Variants in ZNF143 observed in about 807,000 individuals in gnomAD.
The protein encoded by ZNF143 is SPH-binding factor.
In ZNF143, 49 loss-of-function variants were observed where a neutral mutation model predicts 74.1. That is an observed-to-expected ratio of 0.66 (90% CI 0.53 to 0.84). The LOEUF (loss-of-function observed/expected upper bound fraction) is 0.84, where lower values mean the gene tolerates loss of function less well. ZNF143 is among the 40% of genes least tolerant of loss of function. The pLI, the probability that ZNF143 is intolerant of heterozygous loss-of-function variation, is 0.00. For missense variants in ZNF143, 637 were observed against 793.4 expected (o/e 0.80, Z 2.37); for synonymous variants, 304 against 282.8 (o/e 1.07, Z -0.75).
At chr11:9,491,234 G>C (rs1847762160) in intron 7 of ZNF143, among the ~76,000 whole-genome samples, 1 of 151,428 alleles carries the variant, frequency 6.6e-6, no homozygotes, top group African/African-American at 2.4e-5. Context: ...AATGAAACAA[G>C]AAAAAGATAC....
At chr11:9,474,753 G>A (rs1277222957) in intron 5 of ZNF143, 120 bp downstream of exon 5, 2 of 1,041,894 alleles carry the variant, frequency 1.9e-6, no homozygotes, top group Non-Finnish European at 1.4e-6. Context: ...ATTCATTAAA[G>A]TACAAGGTGG....
chr11:9,469,533 A>G (rs1224138428), intron 1 of ZNF143, among the ~76,000 whole-genome samples: 2 of 151,222 alleles, frequency 1.3e-5, no homozygotes, highest in African/African-American at 4.9e-5. Flanking sequence ...CGTGCAGCCC[A>G]CAGGTCTTAA....
chr11:9,521,106 A>G (rs1021505390), intron 14 of ZNF143, among the ~76,000 whole-genome samples: 25 of 152,162 alleles, frequency 1.6e-4, no homozygotes, highest in Non-Finnish European at 1.0e-4. Flanking sequence ...CACCCCCACC[A>G]GAGGAACACG....
chr11:9,472,029 A>G (rs929907976), intron 2 of ZNF143, among the ~76,000 whole-genome samples: 12 of 151,206 alleles, frequency 7.9e-5, no homozygotes, highest in Admixed American at 3.3e-4. Context: ...TTCTGGCTTA[A>G]GACATCCTGT....
At chr11:9,491,331 T>G (rs1360965935) in intron 7 of ZNF143, among the ~76,000 whole-genome samples, 2 of 152,118 alleles carry the variant, frequency 1.3e-5, no homozygotes, top group African/African-American at 4.8e-5. Context: ...CTGTATTACT[T>G]TTTTGTTTAT....
chr11:9,510,890 G>T (rs59158354), intron 12 of ZNF143, among the ~76,000 whole-genome samples: 2,757 of 152,112 alleles, frequency 0.018, 77 homozygotes, highest in African/African-American at 0.061. Flanking sequence ...AGTGATGGAG[G>T]TTCCTTTTAT....
In ZNF143 at chr11:9,479,266, A is replaced by G. The variant is rs755212203; in HGVS notation, c.571-206A>G. Among the ~76,000 whole-genome samples the G allele has an allele frequency of 1.3e-5, 2 of 152,102 alleles. No homozygotes were observed. The highest frequency in any genetic ancestry group is 2.9e-5 in the Non-Finnish European group (2 of 68,028). ...ATGATCCTCCTGCCTCAGCCTCCCA[A>G]AGTGCTAGGATTACTGGCATGAGCC... On this transcript the variant is annotated intron_variant, in intron 6 of 15. Coordinates refer to ENST00000396602, the MANE Select transcript of ZNF143 (RefSeq NM_003442.6).
At chr11:9,476,102 C>T (rs1856873084) in intron 5 of ZNF143, among the ~76,000 whole-genome samples, 1 of 151,950 alleles carries the variant, frequency 6.6e-6, no homozygotes, top group Non-Finnish European at 1.5e-5. Context: ...GGTGGAATGT[C>T]TAGGAATGAT....
intron 10 of ZNF143, 77 bp downstream of exon 10, chr11:9,497,877 C>G (rs1848020139): frequency 3.6e-6 from 4 of 1,111,506 alleles, no homozygotes; most frequent in Non-Finnish European, 3.6e-6. Context: ...GTCGCCTAGG[C>G]TGGAGTGCAG....
intron 7 of ZNF143, among the ~76,000 whole-genome samples, chr11:9,486,923 C>T (rs554388065): frequency 6.7e-6 from 1 of 149,114 alleles, no homozygotes; most frequent in African/African-American, 2.5e-5. Flanking sequence ...CTGCCTCAGC[C>T]TCCCAAAGTG....
intron 11 of ZNF143, among the ~76,000 whole-genome samples, chr11:9,504,778 G>C (rs1458528058): frequency 8.6e-6 from 1 of 116,378 alleles, no homozygotes; most frequent in Non-Finnish European, 2.0e-5. Context: ...GGGTTCAAGC[G>C]ATTCTCCTGC....
intron 7 of ZNF143, among the ~76,000 whole-genome samples, chr11:9,486,414 T>TATATTATATATAATATATATA (rs1565039172): frequency 4.2e-5 from 1 of 24,026 alleles, no homozygotes; most frequent in Non-Finnish European, 7.7e-5. Context: ...ATATATATAA[T>TATATTATATATAATATATATA]ATATATTATA....
intron 14 of ZNF143, among the ~76,000 whole-genome samples, chr11:9,520,801 TAAAAA>T (rs1255538757): frequency 5.9e-5 from 9 of 152,042 alleles, no homozygotes; most frequent in Admixed American, 1.3e-4. Flanking sequence ...AAATAAAAAA[TAAAAA>T]AGAATTCTGT....
At chr11:9,499,889 C>T (rs1158430920) in intron 10 of ZNF143, among the ~76,000 whole-genome samples, 3 of 152,108 alleles carry the variant, frequency 2.0e-5, no homozygotes, top group Non-Finnish European at 4.4e-5. Flanking sequence ...AAAGGCCTTT[C>T]GTATTCCAAG....
intron 6 of ZNF143, among the ~76,000 whole-genome samples, chr11:9,479,235 GCTCAGATGAT>G (rs1306287412): frequency 2.0e-5 from 3 of 151,866 alleles, no homozygotes; most frequent in African/African-American, 7.3e-5. Flanking sequence ...GAACTCCTGG[GCTCAGATGAT>G]CCTCCTGCCT....
intron 7 of ZNF143, among the ~76,000 whole-genome samples, chr11:9,481,371 C>T (rs1050800026): frequency 2.0e-5 from 3 of 151,746 alleles, no homozygotes; most frequent in Non-Finnish European, 2.9e-5. Context: ...AGCAACAGAG[C>T]AAGACCCTGT....
Position 9,512,605 on chromosome 11 carries a change from C to T in ZNF143, c.1524+9C>T, listed in dbSNP as rs766427782. The T allele has an allele frequency of 3.7e-6, 6 of 1,612,630 alleles. No homozygotes were observed. The Admixed American group carries it at 8.3e-5, about 22-fold the overall frequency. ...AGGATGGGACTCAGCATGTAAGTAT[C>T]CACCAAAAGCCAAACAAATTAAATC... On this transcript the variant is annotated intron_variant, in intron 13 of 15. Coordinates refer to ENST00000396602, the MANE Select transcript of ZNF143 (RefSeq NM_003442.6).
chr11:9,473,807 G>GA, intron 3 of ZNF143, 134 bp from the exon 4 acceptor site: 2 of 1,574,620 alleles, frequency 1.3e-6, no homozygotes, highest in Non-Finnish European at 8.6e-7. Flanking sequence ...AATTGCCTCA[G>GA]AACATTGAGG....
At chr11:9,525,032 A>G (rs976549130) in intron 14 of ZNF143, among the ~76,000 whole-genome samples, 1 of 152,054 alleles carries the variant, frequency 6.6e-6, no homozygotes, top group African/African-American at 2.4e-5. Context: ...TCTCTACCCT[A>G]TTTTGCCGTT....
Sources: gnomAD v4.1 joint callset for allele counts (sites outside exome capture counted in the v4.1 genomes callset) on GRCh38, gnomAD v4.1.1 for gene constraint, MANE v1.5 for transcripts, NCBI Gene and HGNC (gene_info 2026-07-23, HGNC 2026-07-21) for gene names.